PHF19: variants seen among roughly 807,000 people sequenced by gnomAD.
PHF19 encodes polycomb like 3.
Under a neutral mutation model 79.8 loss-of-function variants are expected in PHF19, and 21 were observed. That is an observed-to-expected ratio of 0.26 (90% CI 0.19 to 0.38). PHF19 has a LOEUF of 0.38. Ranked by LOEUF, PHF19 falls within the 10% of genes least tolerant of loss-of-function variation. PHF19 has a pLI of 1.00. For synonymous variants in PHF19, 273 were observed against 296.3 expected (o/e 0.92, Z 0.81); for missense variants, 445 against 744.2 (o/e 0.60, Z 4.68).
Position 120,874,805 on chromosome 9 carries a change from A to C in PHF19, c.-15-49T>G. 2 of 1,293,286 alleles carry C rather than the reference A, an allele frequency of 1.5e-6. No individual in the cohort carries two copies. Among genetic ancestry groups the C allele is most frequent in the South Asian group, 2.5e-5 (2 of 78,448 alleles). The allele number at this position is 1,293,286 out of a possible 1,614,324, so 80.1% of individuals were successfully genotyped here. ...TTGCTTCTTGCTTCCCTGCTTCAGA[A>C]AGCCCATCAGGGGAAGGAAGGAAAC... On this transcript the variant is annotated intron_variant, in intron 1 of 14. Transcript: ENST00000373896. The surrounding 1 kb of genome is among the most constrained non-coding windows in gnomAD (Gnocchi z 4.5).
At chr9:120,873,669 G>A (rs1415216669) in intron 3 of PHF19, among the ~76,000 whole-genome samples, 2 of 152,244 alleles carry the variant, frequency 1.3e-5, no homozygotes, top group Non-Finnish European at 2.9e-5. Flanking sequence ...TGCAGCTGTA[G>A]TGCAGCCAGG....
chr9:120,881,712 G>A, upstream of PHF19, among the ~76,000 whole-genome samples: 1 of 152,122 alleles, frequency 6.6e-6, no homozygotes, highest in East Asian at 1.9e-4. Flanking sequence ...GTCCAGGGTG[G>A]TTACAGTGCA....
chr9:120,875,927 CCT>C lies in PHF19; in HGVS notation c.-16+1162_-16+1163del, dbSNP rs529309988. The C allele has an allele frequency of 2.1e-3, 322 of 153,036 alleles. 3 individuals carry two copies. The highest frequency in any genetic ancestry group is 0.017 in the Middle Eastern group (5 of 298). 9.5% of individuals were successfully genotyped at this position (153,036 alleles called of 1,614,324 possible). On this transcript the variant is annotated intron_variant, in intron 1 of 14. Coordinates refer to ENST00000373896, the MANE Select transcript of PHF19 (RefSeq NM_015651.3). Reference sequence around the variant, plus strand: ...TGCTCTCCACTACAGCCACACACAGCCTCTCTCTTTCCCCGCGGGCCTACTCG... The same window carrying C: ...TGCTCTCCACTACAGCCACACACAGCCTCTCTTTCCCCGCGGGCCTACTCG...
chr9:120,872,601 T>C (rs1475734007), intron 3 of PHF19, among the ~76,000 whole-genome samples: 1 of 152,196 alleles, frequency 6.6e-6, no homozygotes, highest in East Asian at 1.9e-4. Context: ...AAAGCTTTAC[T>C]AACTGGCTGA....
chr9:120,865,066 A>G (rs1433718226), intron 9 of PHF19, among the ~76,000 whole-genome samples: 2 of 152,388 alleles, frequency 1.3e-5, no homozygotes, highest in Non-Finnish European at 2.9e-5. Flanking sequence ...ATGTTATTAC[A>G]TGAAATATTT....
chr9:120,868,930 C>T (rs1275305480), intron 6 of PHF19: 1 of 828,864 alleles, frequency 1.2e-6, no homozygotes, highest in African/African-American at 1.8e-5. Flanking sequence ...TCTTCCGGGC[C>T]CACCCCTCGA....
chr9:120,858,636 G>A (rs2131469036), intron 14 of PHF19, among the ~76,000 whole-genome samples: 1 of 152,238 alleles, frequency 6.6e-6, no homozygotes. Flanking sequence ...TCCCGGCACT[G>A]CAAAAGCACA....
upstream of PHF19, among the ~76,000 whole-genome samples, chr9:120,880,781 G>A (rs183048159): frequency 3.3e-3 from 504 of 151,938 alleles, 4 homozygotes; most frequent in African/African-American, 0.011. Context: ...GCAACATGGC[G>A]AAACCCTATC....
rs1479440279 is a variant in PHF19 at position 120,862,661 on chromosome 9, G to A, written c.1057C>T (p.Pro353Ser). 1 of 1,614,160 alleles carries A rather than the reference G, an allele frequency of 6.2e-7. No homozygotes were observed. The highest frequency in any genetic ancestry group is 2.2e-5 in the East Asian group (1 of 44,880). The stretch of plus-strand genomic sequence containing the variant: ...TCATTTGGCAGCAGTCCTTTGTCAG[G>A]CAGCAGCTTCCCTGGCGGGTTGGGT... Reference protein sequence around the residue: ...VPPNPPGKLLPDKGLLPNENS... With the variant: ...VPPNPPGKLLSDKGLLPNENS... The change falls in exon 11 of 15, where the codon CCT (proline) becomes TCT (serine). Residue 353 changes from proline (P) to serine (S), a missense_variant. This residue lies in a region of PHF19 where 83 missense variants were observed against 85.5 expected (regional missense o/e 0.97). Coordinates refer to ENST00000373896, the MANE Select transcript of PHF19 (RefSeq NM_015651.3). The surrounding 1 kb of genome is among the most constrained non-coding windows in gnomAD (Gnocchi z 4.6).
chr9:120,894,338 C>A (rs1239983961), intron 1 of PHF19, among the ~76,000 whole-genome samples: 1 of 152,236 alleles, frequency 6.6e-6, no homozygotes, highest in Admixed American at 6.5e-5. Context: ...GAAAGCTGAT[C>A]TGAAACTTAG....
At position 120,860,099 on chromosome 9, in the gene PHF19, T is replaced by C. The variant is rs573457222; in HGVS notation, c.1391A>G (p.Tyr464Cys). 4.4e-6 allele frequency: 7 copies of C among 1,577,678 alleles called. No homozygotes were observed. Among genetic ancestry groups the C allele is most frequent in the East Asian group, 2.3e-5 (1 of 44,138 alleles). ...TSGSASTSLSYDSRWTVGSRK... is the reference protein window; with the variant it reads ...TSGSASTSLSCDSRWTVGSRK... ...CCTCTAGGAAGCTCACCTGGAGTCA[T>C]AGGAGAGGCTGGTGGAGGCAGAGCC... The change falls in exon 14 of 15, where the codon TAT becomes TGT. Residue 464 changes from tyrosine (Y) to cysteine (C), a missense_variant. Physicochemically the swap from Tyr to Cys is radical, Grantham distance 194. Around this residue, in one of 5 missense-constraint regions of PHF19, gnomAD observed 125 missense variants for 180.5 expected, o/e 0.69. Coordinates refer to ENST00000373896, the MANE Select transcript of PHF19 (RefSeq NM_015651.3). The surrounding 1 kb of genome is among the most constrained non-coding windows in gnomAD (Gnocchi z 4.1).
Position 120,869,831 on chromosome 9 carries a change from G to A in PHF19, c.465+14C>T. ...GGCAGGAGAGGCAGGGACTGGGGAG[G>A]ATGGAAGGCTCACCCGCACAGCCAG... On this transcript the variant is annotated intron_variant, in intron 5 of 14. Transcript: ENST00000373896. The surrounding 1 kb of genome is among the most constrained non-coding windows in gnomAD (Gnocchi z 5.8). 2.5e-6 allele frequency: 4 copies of A among 1,612,968 alleles called. No individual in the cohort carries two copies. Among genetic ancestry groups the A allele is most frequent in the Middle Eastern group, 1.7e-4 (1 of 6,044 alleles).
chr9:120,868,501 G>C (rs2045774446), intron 6 of PHF19: 1 of 152,528 alleles, frequency 6.6e-6, no homozygotes, highest in African/African-American at 2.4e-5. Context: ...GCTAGGACGT[G>C]GACGTCCTGG....
chr9:120,894,734 G>A (rs1305846733), intron 1 of PHF19: 7 of 1,029,616 alleles, frequency 6.8e-6, no homozygotes, highest in Non-Finnish European at 7.4e-6. Flanking sequence ...GGCCGCCCGC[G>A]GCTCCCCAGC....
intron 10 of PHF19, 21 bp downstream of exon 10, chr9:120,864,028 C>G: frequency 6.2e-7 from 1 of 1,605,800 alleles, no homozygotes; most frequent in Non-Finnish European, 8.5e-7. Context: ...CCACCACACT[C>G]CCTCCCCTCC....
At chr9:120,901,865 T>C in the PHF19 span, among the ~76,000 whole-genome samples, 1 of 152,168 alleles carries the variant, frequency 6.6e-6, no homozygotes, top group Non-Finnish European at 1.5e-5. Context: ...ACTGAAGCAC[T>C]GACAAGGTGG....
At chr9:120,871,193 G>A (rs918765322) in intron 3 of PHF19, among the ~76,000 whole-genome samples, 2 of 152,176 alleles carry the variant, frequency 1.3e-5, no homozygotes, top group African/African-American at 4.8e-5. Context: ...GTGAGCCACT[G>A]TGCCCAGCCT....
intron 1 of PHF19, among the ~76,000 whole-genome samples, chr9:120,887,073 A>AAAAAG (rs3047157): frequency 0.64 from 92,890 of 144,086 alleles, 30,242 homozygotes; most frequent in Middle Eastern, 0.78. Flanking sequence ...CTAAAAAAAA[A>AAAAAG]AAAAGAAAAG....
intron 1 of PHF19, among the ~76,000 whole-genome samples, chr9:120,883,207 A>C (rs1268572708): frequency 6.6e-6 from 1 of 152,194 alleles, no homozygotes; most frequent in Non-Finnish European, 1.5e-5. Flanking sequence ...CTGTGAACCC[A>C]GGGGGTGTAG....
Sources: allele counts gnomAD v4.1 joint callset (sites outside exome capture counted in the v4.1 genomes callset), GRCh38; gene constraint gnomAD v4.1.1; regional missense constraint gnomAD v4.1.1; non-coding constraint Gnocchi (gnomAD v3.1); transcripts MANE v1.5; gene names NCBI Gene and HGNC (gene_info 2026-07-23, HGNC 2026-07-21).